The following BRD2 variants were observed in gnomAD, a reference collection of about 807,000 sequenced individuals.
The protein encoded by BRD2 is bromodomain containing 2.
Under a neutral mutation model 79.1 loss-of-function variants are expected in BRD2, and 15 were observed. The observed-to-expected ratio is 0.19, with a 90% CI of 0.13 to 0.29. The LOEUF (loss-of-function observed/expected upper bound fraction) is 0.29, where lower values mean the gene tolerates loss of function less well. BRD2 is among the 10% of genes least tolerant of loss of function. The pLI, the probability that BRD2 is intolerant of heterozygous loss-of-function variation, is 1.00. For synonymous variants in BRD2, 488 were observed against 358.6 expected (o/e 1.36, Z -4.08); for missense variants, 1,053 against 991.3 (o/e 1.06, Z -0.84).
rs753929804 is a variant in BRD2, at chr6:32,980,621, C to G, written c.2309C>G (p.Ala770Gly). 1 of 1,613,052 alleles carries G rather than the reference C, an allele frequency of 6.2e-7. No homozygotes were observed. The highest frequency in any genetic ancestry group is 1.3e-5 in the African/African-American group (1 of 74,954). Residue 770 changes from alanine to glycine, a missense_variant, in exon 13 of 13, where the codon GCA (alanine) becomes GGA (glycine). Physicochemically the swap from Ala to Gly is moderately conservative, Grantham distance 60. Transcript: ENST00000374825. Reference protein sequence around the residue: ...KTESSSAQQVAVSRLSASSSS... With the variant: ...KTESSSAQQVGVSRLSASSSS... ...GAGTCATCCTCTGCACAGCAAGTAG[C>G]AGTGTCACGCCTTAGCGCTTCCAGC...
At chr6:32,975,646 CGG>C in intron 4 of BRD2, 125 bp downstream of exon 4, 2 of 1,260,162 alleles carry the variant, frequency 1.6e-6, no homozygotes, top group Non-Finnish European at 2.2e-6. Flanking sequence ...GTAGGGTAGT[CGG>C]AGTCTTAAAA....
intron 7 of BRD2, 40 bp downstream of exon 7, chr6:32,976,976 A>G (rs1279682048): frequency 6.4e-7 from 1 of 1,566,022 alleles, no homozygotes; most frequent in Admixed American, 1.8e-5. Context: ...TCAGGCAGTG[A>G]TGGGAGCCTA....
rs1778835494 is a variant in BRD2, at chr6:32,976,883, C to T, written c.1147C>T (p.Leu383=). The change falls in exon 7 of 13, where the codon CTG becomes TTG. Residue 383 remains leucine (L), a synonymous_variant. Coordinates refer to ENST00000374825, the MANE Select transcript of BRD2 (RefSeq NM_005104.4). ...YKPVDASALG[L]HDYHDIIKHP... is the part of the protein sequence containing the mutation. ...ACCAGTGGATGCTTCTGCACTTGGC[C>T]TGCATGACTACCATGACATCATTAA... 5.0e-6 allele frequency: 8 copies of T among 1,613,082 alleles called. No individual in the cohort carries two copies. The highest frequency in any genetic ancestry group is 5.9e-6 in the Non-Finnish European group (7 of 1,180,002).
chr6:32,975,551 G>T, intron 4 of BRD2, 30 bp downstream of exon 4: 2 of 1,608,320 alleles, frequency 1.2e-6, no homozygotes, highest in Non-Finnish European at 1.7e-6. Flanking sequence ...CATTTAGTAG[G>T]TGGGGAGAAA....
rs756315403 is a variant in BRD2 at position 32,977,595 on chromosome 6, A to G, written c.1329+25A>G. The stretch of plus-strand genomic sequence containing the variant: ...GGTGAGTGGAAAGGTTGGAGTTTGA[A>G]AAATAAATGGTATGGGGAGTTATTT... On this transcript the variant is annotated intron_variant, in intron 8 of 12. Transcript: ENST00000374825. The G allele has an allele frequency of 1.4e-5, 22 of 1,613,206 alleles. No individual in the cohort carries two copies. In the South Asian group the frequency reaches 2.1e-4, roughly 15 times the overall value.
At chr6:32,975,922 T>TG in intron 4 of BRD2, 109 bp from the exon 5 acceptor site, 1 of 1,228,136 alleles carries the variant, frequency 8.1e-7, no homozygotes, top group East Asian at 2.5e-5. Context: ...AGATGACTGG[T>TG]GGGGGTATGG....
Position 32,972,653 on chromosome 6 carries a change from C to G in BRD2, c.-246C>G. On this transcript the variant is annotated 5_prime_UTR_variant, in exon 2 of 13. Coordinates refer to ENST00000374825, the MANE Select transcript of BRD2 (RefSeq NM_005104.4). ...TCAGTCCCTCCTTAGTTGCCCGCCT[C>G]AGCTGAGGCCGCCGCCATTTTCTTG... The G allele has an allele frequency of 1.6e-6, 1 of 607,962 alleles. No individual in the cohort carries two copies. The highest frequency in any genetic ancestry group is 2.0e-5 in the South Asian group (1 of 50,966). 37.7% of individuals were successfully genotyped at this position (607,962 alleles called of 1,614,324 possible). A position where few individuals can be genotyped will look rare whatever the true frequency, so the allele number is the denominator to read the frequency against.
At chr6:32,973,001 G>T (rs1299395564) in intron 2 of BRD2, 74 bp downstream of exon 2, 1 of 1,613,610 alleles carries the variant, frequency 6.2e-7, no homozygotes. Context: ...GCGCCGTGTT[G>T]GGAGTACTGA....
intron 7 of BRD2, chr6:32,977,161 T>G: frequency 1.5e-6 from 2 of 1,338,136 alleles, no homozygotes; most frequent in Non-Finnish European, 2.0e-6. Context: ...CTGTCTATAA[T>G]TAAGTACTAA....
In BRD2 at chr6:32,980,596, G is replaced by A. The variant is rs1779400882; in HGVS notation, c.2284G>A (p.Glu762Lys). Residue 762 changes from glutamate to lysine, a missense_variant, in exon 13 of 13, where the codon GAG (glutamate) becomes AAG (lysine). Transcript: ENST00000374825. ...TTGTTCTGCAGCGAATGAGAAAACA[G>A]AGTCATCCTCTGCACAGCAAGTAGC... ...KPPKKANEKT[E>K]SSSAQQVAVS... The A allele has an allele frequency of 1.2e-6, 2 of 1,613,152 alleles. No homozygotes were observed. Among genetic ancestry groups the A allele is most frequent in the South Asian group, 1.1e-5 (1 of 91,086 alleles).
chr6:32,978,494 A>G (rs568676012), intron 10 of BRD2, 106 bp downstream of exon 10: 37 of 1,513,796 alleles, frequency 2.4e-5, no homozygotes, highest in African/African-American at 2.4e-4. Flanking sequence ...AACAGATACA[A>G]TAGGCTTTGA....
intron 1 of BRD2, 90 bp from the exon 2 acceptor site, chr6:32,971,505 A>AT: frequency 2.4e-6 from 1 of 422,896 alleles, no homozygotes; most frequent in East Asian, 3.5e-5. Context: ...GGAACGTTAG[A>AT]TCCCCTCATC....
rs536469361 is a variant in BRD2 at position 32,976,654 on chromosome 6, T to C, written c.918T>C (p.Leu306=). ...CTCCAGCTAGCCCTCCTGGGAGTCT[T>C]GAGCCTAAGGCAGCACGGCTTCCCC... ...PGSPASPPGS[L]EPKAARLPPM... is the part of the protein sequence containing the mutation. Residue 306 remains leucine (L), a synonymous_variant, in exon 7 of 13, where the codon CTT becomes CTC. Transcript: ENST00000374825. 22 of 1,612,694 alleles carry C rather than the reference T, an allele frequency of 1.4e-5. No homozygotes were observed. Among genetic ancestry groups the C allele is most frequent in the Non-Finnish European group, 1.8e-5 (21 of 1,180,010 alleles).
intron 11 of BRD2, 82 bp downstream of exon 11, chr6:32,980,214 C>G (rs371992998): frequency 2.7e-5 from 43 of 1,573,578 alleles, no homozygotes; most frequent in East Asian, 2.5e-4. Context: ...TCAGGATTGT[C>G]AGCTCCCAGG....
rs1777699990 is a variant in BRD2 at position 32,968,970 on chromosome 6, C to CT, written c.-1390dup. 1.9e-5 allele frequency: 3 copies of CT among 154,682 alleles called. No homozygotes were observed. Among genetic ancestry groups the CT allele is most frequent in the Non-Finnish European group, 4.2e-5 (3 of 70,744 alleles). The allele number at this position is 154,682 out of a possible 1,614,324, so 9.6% of individuals were successfully genotyped here. On this transcript the variant is annotated 5_prime_UTR_variant, in exon 1 of 13. It introduces an in-frame stop codon into an upstream open reading frame of the 5' UTR. Coordinates refer to ENST00000374825, the MANE Select transcript of BRD2 (RefSeq NM_005104.4). ...CCCTCCCCCAGCACGGCTTCGTTTT[C>CT]TGGGGGGGGGTTGACACCCCGGATT... is the stretch of plus-strand genomic sequence containing the variant.
At position 32,971,908 on chromosome 6, in the gene BRD2, TG is replaced by T. The variant is rs1226203945; in HGVS notation, c.-989del. The T allele has an allele frequency of 1.4e-6, 1 of 702,874 alleles. No individual in the cohort carries two copies. The allele number at this position is 702,874 out of a possible 1,614,324, so 43.5% of individuals were successfully genotyped here. ...GTCGGCGGACCACAGCTCAGCCAATTGGCTTGGAGATGTGGCGGGTTGCCAC... is the reference window on the plus strand; with the variant it reads ...GTCGGCGGACCACAGCTCAGCCAATTGCTTGGAGATGTGGCGGGTTGCCAC... On this transcript the variant is annotated 5_prime_UTR_variant, in exon 2 of 13. An upstream open reading frame in the 5' UTR loses its in-frame stop. Transcript: ENST00000374825.
At chr6:32,975,279 AG>A (rs750121705) in intron 3 of BRD2, 104 bp from the exon 4 acceptor site, 5 of 730,590 alleles carry the variant, frequency 6.8e-6, no homozygotes, top group East Asian at 3.1e-5. Context: ...TTTGATGCAT[AG>A]GGGGGGTGTG....
In BRD2 at chr6:32,972,500, C is replaced by T. The variant is rs532001094; in HGVS notation, c.-399C>T. 11 of 328,750 alleles carry T rather than the reference C, an allele frequency of 3.3e-5. No homozygotes were observed. The highest frequency in any genetic ancestry group is 6.3e-5 in the East Asian group (1 of 15,848). 20.4% of individuals were successfully genotyped at this position (328,750 alleles called of 1,614,324 possible). A position where few individuals can be genotyped will look rare whatever the true frequency, so the allele number is the denominator to read the frequency against. ...TAAACCACTTTTCGTGTTCATCCGC[C>T]TCCATCCGAGATCGAAACGGGACCT... On this transcript the variant is annotated 5_prime_UTR_variant, in exon 2 of 13. Coordinates refer to ENST00000374825, the MANE Select transcript of BRD2 (RefSeq NM_005104.4).
intron 1 of BRD2, chr6:32,969,288 G>C: frequency 4.2e-6 from 3 of 713,084 alleles, no homozygotes; most frequent in Middle Eastern, 4.7e-4. Context: ...GGGCAAAGGG[G>C]TTAGGGGGCG....
Sources: gnomAD v4.1 joint callset for allele counts on GRCh38, gnomAD v4.1.1 for gene constraint, MANE v1.5 for transcripts, NCBI Gene and HGNC (gene_info 2026-07-23, HGNC 2026-07-21) for gene names.